Variants in CENPP observed in about 807,000 individuals in gnomAD.
CENPP encodes centromere protein P.
In CENPP, 24 loss-of-function variants were observed where a neutral mutation model predicts 35.6. That is an observed-to-expected ratio of 0.67 (90% CI 0.49 to 0.95). CENPP has a LOEUF of 0.95. Among genes scored for constraint, CENPP ranks in the 40% least tolerant of loss-of-function variants. The pLI, the probability that CENPP is intolerant of heterozygous loss-of-function variation, is 0.00. For synonymous variants in CENPP, 120 were observed against 125.5 expected (o/e 0.96, Z 0.29); for missense variants, 332 against 345.3 (o/e 0.96, Z 0.31).
intron 5 of CENPP, among the ~76,000 whole-genome samples, chr9:92,458,141 A>G (rs748149245): frequency 2.1e-4 from 32 of 152,218 alleles, no homozygotes; most frequent in Admixed American, 8.5e-4. Flanking sequence ...ACAAGTCACA[A>G]TTTTACAGGC....
chr9:92,599,903 C>T (rs1334719594), intron 5 of CENPP, among the ~76,000 whole-genome samples: 1 of 152,184 alleles, frequency 6.6e-6, no homozygotes, highest in Non-Finnish European at 1.5e-5. Context: ...GTCTCATGAA[C>T]ATCCAAACTG....
intron 5 of CENPP, chr9:92,457,394 G>A: frequency 6.2e-7 from 1 of 1,613,628 alleles, no homozygotes; most frequent in Non-Finnish European, 8.5e-7. Context: ...TAAACTTATT[G>A]CACTGTATAA....
At chr9:92,391,963 C>G (rs1842705139) in intron 5 of CENPP, among the ~76,000 whole-genome samples, 1 of 151,442 alleles carries the variant, frequency 6.6e-6, no homozygotes, top group Non-Finnish European at 1.5e-5. Flanking sequence ...CAGCATGAAC[C>G]TGGTTATGGT....
chr9:92,327,974 G>T (rs1003170577), intron 1 of CENPP, among the ~76,000 whole-genome samples: 2 of 152,118 alleles, frequency 1.3e-5, no homozygotes, highest in African/African-American at 2.4e-5. Context: ...ATGCTGGTCA[G>T]TTGTTGTGTC....
intron 5 of CENPP, chr9:92,457,197 T>A: frequency 6.7e-7 from 1 of 1,492,084 alleles, no homozygotes; most frequent in Non-Finnish European, 9.0e-7. Context: ...TGCTTGTATA[T>A]ATAATACTAC....
At chr9:92,411,291 G>A (rs1191155983) in intron 5 of CENPP, among the ~76,000 whole-genome samples, 6 of 151,388 alleles carry the variant, frequency 4.0e-5, no homozygotes, top group Admixed American at 3.9e-4. Context: ...GTTTTGAATT[G>A]CTAAATTTGT....
intron 5 of CENPP, among the ~76,000 whole-genome samples, chr9:92,571,418 A>G (rs1040405153): frequency 6.6e-6 from 1 of 152,114 alleles, no homozygotes; most frequent in African/African-American, 2.4e-5. Flanking sequence ...CCTGAGTTCT[A>G]GTTTGATTGC....
At chr9:92,406,534 GTTAAAATAACACACA>G (rs1347849901) in intron 5 of CENPP, among the ~76,000 whole-genome samples, 1 of 152,138 alleles carries the variant, frequency 6.6e-6, no homozygotes, top group East Asian at 1.9e-4. Flanking sequence ...GAATGGCTTA[GTTAAAATAACACACA>G]TTTATTATCT....
intron 2 of CENPP, among the ~76,000 whole-genome samples, chr9:92,335,126 C>G (rs1840885547): frequency 6.6e-6 from 1 of 152,062 alleles, no homozygotes; most frequent in East Asian, 1.9e-4. Context: ...CGCACTCCAG[C>G]CTGGGCGACA....
At chr9:92,594,570 C>T (rs886304826) in intron 5 of CENPP, among the ~76,000 whole-genome samples, 1 of 152,164 alleles carries the variant, frequency 6.6e-6, no homozygotes, top group Non-Finnish European at 1.5e-5. Context: ...CTTTTCATCG[C>T]CCCTCAAGTT....
chr9:92,385,654 C>G, intron 5 of CENPP: 1 of 1,614,032 alleles, frequency 6.2e-7, no homozygotes, highest in Non-Finnish European at 8.5e-7. Flanking sequence ...TCTTTTTAAG[C>G]AAATAAAACT....
intron 5 of CENPP, among the ~76,000 whole-genome samples, chr9:92,559,803 CTA>C (rs1014863349): frequency 3.3e-5 from 5 of 152,118 alleles, no homozygotes; most frequent in Admixed American, 6.5e-5. Flanking sequence ...GCCTGCTGTC[CTA>C]TGTTTTTAAA....
At chr9:92,498,980 T>C (rs994884060) in intron 5 of CENPP, among the ~76,000 whole-genome samples, 5 of 152,154 alleles carry the variant, frequency 3.3e-5, no homozygotes, top group Non-Finnish European at 7.3e-5. Flanking sequence ...AGCAACACAA[T>C]TGAAAGGACC....
At chr9:92,574,082 G>A (rs1452783227) in intron 5 of CENPP, among the ~76,000 whole-genome samples, 1 of 152,104 alleles carries the variant, frequency 6.6e-6, no homozygotes, top group Non-Finnish European at 1.5e-5. Context: ...TGCATGGGCT[G>A]CACCCACTGT....
At chr9:92,504,069 G>A (rs1004590032) in intron 5 of CENPP, among the ~76,000 whole-genome samples, 1 of 152,218 alleles carries the variant, frequency 6.6e-6, no homozygotes, top group African/African-American at 2.4e-5. Flanking sequence ...CAGTGGGGCA[G>A]ATTGCTCTTT....
At chr9:92,560,553 C>T (rs777072382) in intron 5 of CENPP, among the ~76,000 whole-genome samples, 1 of 152,210 alleles carries the variant, frequency 6.6e-6, no homozygotes, top group East Asian at 1.9e-4. Flanking sequence ...TGTCTGACAG[C>T]ACCCTTGAAT....
chr9:92,550,491 GA>G (rs929010813), intron 5 of CENPP, among the ~76,000 whole-genome samples: 132 of 151,938 alleles, frequency 8.7e-4, no homozygotes, highest in African/African-American at 3.1e-3. Flanking sequence ...TTGTTTTTGA[GA>G]ATTAAAATAA....
At chr9:92,351,726 G>A (rs985554470) in intron 4 of CENPP, among the ~76,000 whole-genome samples, 1 of 152,076 alleles carries the variant, frequency 6.6e-6, no homozygotes. Context: ...TACCTCACCA[G>A]GGATTCTCCT....
At position 92,379,781 on chromosome 9, in the gene CENPP, T is replaced by G. The variant is rs1343601129; in HGVS notation, c.486T>G (p.Asp162Glu). Reference sequence around the variant, plus strand: ...CCTACAGAGCAGAAGAGAGAAAAGATCTGTTCATGTTTTTCCGAAGCCTGC... The same window carrying G: ...CCTACAGAGCAGAAGAGAGAAAAGAGCTGTTCATGTTTTTCCGAAGCCTGC... ...EFVSRAEERK[D>E]LFMFFRSLHF... The change falls in exon 5 of 8, where the codon GAT becomes GAG. Residue 162 changes from aspartate to glutamate, a missense_variant. Physicochemically the swap from Asp to Glu is conservative, Grantham distance 45. Transcript: ENST00000375587. 8 of 1,611,424 alleles carry G rather than the reference T, an allele frequency of 5.0e-6. No individual in the cohort carries two copies. Among genetic ancestry groups the G allele is most frequent in the Non-Finnish European group, 6.8e-6 (8 of 1,177,726 alleles).
Sources: allele counts gnomAD v4.1 joint callset (sites outside exome capture counted in the v4.1 genomes callset), GRCh38; gene constraint gnomAD v4.1.1; transcripts MANE v1.5; gene names NCBI Gene and HGNC (gene_info 2026-07-23, HGNC 2026-07-21).